The following ZNF506 variants were observed in gnomAD, a reference collection of about 807,000 sequenced individuals.
ZNF506 encodes the protein zinc finger protein 506.
ZNF506 carries 10 observed loss-of-function variants against 11.6 expected under a neutral mutation model. The ratio of observed to expected loss-of-function variants is 0.86; its 90% CI spans 0.53 to 1.46. The LOEUF (loss-of-function observed/expected upper bound fraction) is 1.46. Ranked by LOEUF, ZNF506 falls within the 40% of genes most tolerant of loss-of-function variation. ZNF506 has a pLI of 0.00. For missense variants in ZNF506, 425 were observed against 521.2 expected, an observed-to-expected ratio of 0.82 and a Z score of 1.80; for synonymous variants, 156 against 173.3, an observed-to-expected ratio of 0.90 and a Z score of 0.78.
In ZNF506 at chr19:19,804,546, C is replaced by T. The variant is rs530358237; in HGVS notation, c.226+1485G>A. ...GTGGCGATTCTTCAAGGATCTAGAA[C>T]TAGAAATACCATTTGATCCAGTGAT... On this transcript the variant is annotated intron_variant, in intron 3 of 3. Transcript: ENST00000540806. 4.6e-5 allele frequency among the ~76,000 whole-genome samples: 7 copies of T among 152,272 alleles called. No homozygotes were observed. In the East Asian group the frequency reaches 1.3e-3, roughly 29 times the overall value.
At chr19:19,807,778 G>A (rs1397204176) in intron 1 of ZNF506, among the ~76,000 whole-genome samples, 1 of 152,142 alleles carries the variant, frequency 6.6e-6, no homozygotes, top group Non-Finnish European at 1.5e-5. Flanking sequence ...AAAGTGCTGG[G>A]ATTATAGGCG....
chr19:19,808,798 G>A (rs1445133924), intron 1 of ZNF506, among the ~76,000 whole-genome samples: 4 of 138,578 alleles, frequency 2.9e-5, no homozygotes, highest in South Asian at 2.2e-4. Context: ...AGCCAAGATC[G>A]CGCTACTATA....
At chr19:19,818,449 G>A (rs549975355) in intron 1 of ZNF506, among the ~76,000 whole-genome samples, 1 of 152,268 alleles carries the variant, frequency 6.6e-6, no homozygotes, top group Admixed American at 6.5e-5. Context: ...AGACAAAATG[G>A]AAGAGAGATT....
At chr19:19,811,335 T>TA (rs1390246647) in intron 1 of ZNF506, among the ~76,000 whole-genome samples, 1 of 152,120 alleles carries the variant, frequency 6.6e-6, no homozygotes, top group Non-Finnish European at 1.5e-5. Flanking sequence ...AATTTTGGTA[T>TA]TATTAGTAGA....
At chr19:19,801,743 A>C (rs1232648141) in intron 3 of ZNF506, among the ~76,000 whole-genome samples, 4 of 151,884 alleles carry the variant, frequency 2.6e-5, no homozygotes, top group African/African-American at 9.7e-5. Context: ...GTGAGCCGAG[A>C]TCGCACCACT....
At position 19,806,998 on chromosome 19, in the gene ZNF506, T is replaced by C. The variant is rs371087999; in HGVS notation, c.74A>G (p.Gln25Arg). ...CATCACATCCCTATATAGATTCCGCTGTGCAGCGTCCAGGCAATGCCACTC... is the reference window on the plus strand; with the variant it reads ...CATCACATCCCTATATAGATTCCGCCGTGCAGCGTCCAGGCAATGCCACTC... ...LEEWHCLDAA[Q>R]RNLYRDVMLE... The change falls in exon 2 of 4, where the codon CAG becomes CGG. Residue 25 changes from glutamine (Q) to arginine (R), a missense_variant. Around this residue, in one of 3 missense-constraint regions of ZNF506, gnomAD observed 226 missense variants for 279.1 expected, o/e 0.81. Coordinates refer to ENST00000540806, the MANE Select transcript of ZNF506 (RefSeq NM_001099269.3). 1.2e-6 allele frequency: 2 copies of C among 1,614,088 alleles called. No individual in the cohort carries two copies. The highest frequency in any genetic ancestry group is 1.7e-6 in the Non-Finnish European group (2 of 1,179,976).
chr19:19,817,926 C>G (rs898598943), intron 1 of ZNF506, among the ~76,000 whole-genome samples: 1 of 149,958 alleles, frequency 6.7e-6, no homozygotes, highest in African/African-American at 2.5e-5. Flanking sequence ...CTCCCGGGTT[C>G]AAGCCACTCT....
At chr19:19,816,266 C>G (rs565483250) in intron 1 of ZNF506, among the ~76,000 whole-genome samples, 10 of 151,938 alleles carry the variant, frequency 6.6e-5, no homozygotes, top group Admixed American at 6.6e-4. Context: ...TCACTGCAAC[C>G]GCTGCCTCCC....
Position 19,807,000 on chromosome 19 carries a change from T to G in ZNF506, c.72A>C (p.Ala24=), listed in dbSNP as rs1468621690. The change falls in exon 2 of 4, where the codon GCA becomes GCC. Residue 24 remains alanine, a synonymous_variant. Coordinates refer to ENST00000540806, the MANE Select transcript of ZNF506 (RefSeq NM_001099269.3). ...SLEEWHCLDA[A]QRNLYRDVML... is the part of the protein sequence containing the mutation. ...TCACATCCCTATATAGATTCCGCTGTGCAGCGTCCAGGCAATGCCACTCCT... is the reference window on the plus strand; with the variant it reads ...TCACATCCCTATATAGATTCCGCTGGGCAGCGTCCAGGCAATGCCACTCCT... 1.2e-6 allele frequency: 2 copies of G among 1,614,112 alleles called. No homozygotes were observed. Among genetic ancestry groups the G allele is most frequent in the Middle Eastern group, 3.3e-4 (2 of 6,062 alleles).
intron 2 of ZNF506, 36 bp from the exon 3 acceptor site, chr19:19,806,162 C>CAT (rs750113766): frequency 6.8e-5 from 101 of 1,494,142 alleles, no homozygotes; most frequent in Non-Finnish European, 8.9e-5. Flanking sequence ...GAATCTTGCT[C>CAT]ATATTCTCCA....
chr19:19,808,410 A>T (rs1445068967), intron 1 of ZNF506, among the ~76,000 whole-genome samples: 35 of 150,404 alleles, frequency 2.3e-4, no homozygotes, highest in Non-Finnish European at 1.5e-5. Context: ...GGCGTGAGCC[A>T]CTCTGCCCAG....
chr19:19,810,655 A>T (rs2062876525), intron 1 of ZNF506, among the ~76,000 whole-genome samples: 1 of 152,292 alleles, frequency 6.6e-6, no homozygotes, highest in Admixed American at 6.5e-5. Flanking sequence ...TATTCTATTC[A>T]TATTTACTTT....
intron 3 of ZNF506, chr19:19,796,747 A>C (rs2062745852): frequency 6.6e-6 from 1 of 152,192 alleles, no homozygotes; most frequent in South Asian, 2.1e-4. Context: ...CCACGACATG[A>C]AATGGTAATA....
chr19:19,821,493 T>A, intron 1 of ZNF506, 108 bp downstream of exon 1: 1 of 1,432,450 alleles, frequency 7.0e-7, no homozygotes, highest in Non-Finnish European at 9.9e-7. Flanking sequence ...ATTGTGGAGC[T>A]GACTGCCGGG....
intron 1 of ZNF506, among the ~76,000 whole-genome samples, chr19:19,811,223 G>C (rs1048347356): frequency 7.2e-5 from 11 of 152,126 alleles, no homozygotes; most frequent in South Asian, 2.1e-4. Context: ...GCACTGGTGC[G>C]ATCTCGGCTC....
intron 1 of ZNF506, among the ~76,000 whole-genome samples, chr19:19,817,891 G>A (rs975205188): frequency 1.4e-5 from 2 of 144,938 alleles, no homozygotes; most frequent in East Asian, 2.0e-4. Flanking sequence ...GCAATGGCCC[G>A]ATCTCAGGTC....
At chr19:19,797,451 A>AAAAAAAAAAAAAAT (rs1568472932) in intron 3 of ZNF506, 1 of 149,300 alleles carries the variant, frequency 6.7e-6, no homozygotes, top group African/African-American at 2.5e-5. Flanking sequence ...AAAAAAAAAA[A>AAAAAAAAAAAAAAT]AAAACAAATA....
chr19:19,821,053 T>C (rs993406336), intron 1 of ZNF506, among the ~76,000 whole-genome samples: 7 of 152,072 alleles, frequency 4.6e-5, no homozygotes, highest in African/African-American at 1.7e-4. Context: ...ACATTTGCCA[T>C]CACACACAGC....
chr19:19,817,361 A>T (rs2062941392), intron 1 of ZNF506, among the ~76,000 whole-genome samples: 1 of 152,166 alleles, frequency 6.6e-6, no homozygotes, highest in Non-Finnish European at 1.5e-5. Flanking sequence ...TTTGCAAGCC[A>T]TAAAGATCTT....
Sources: allele counts gnomAD v4.1 joint callset (sites outside exome capture counted in the v4.1 genomes callset), GRCh38; gene constraint gnomAD v4.1.1; regional missense constraint gnomAD v4.1.1; transcripts MANE v1.5; gene names NCBI Gene and HGNC (gene_info 2026-07-23, HGNC 2026-07-21).